Variants in FIGN observed in about 807,000 individuals in gnomAD.
FIGN encodes the protein fidgetin.
Under a neutral mutation model 51.3 loss-of-function variants are expected in FIGN, and 11 were observed. The ratio of observed to expected loss-of-function variants is 0.21; its 90% CI spans 0.13 to 0.35. The LOEUF (loss-of-function observed/expected upper bound fraction) is 0.35. FIGN is among the 10% of genes least tolerant of loss of function. The pLI, the probability that FIGN is intolerant of heterozygous loss-of-function variation, is 1.00. For synonymous variants in FIGN, 407 were observed against 363.2 expected (o/e 1.12, Z -1.37); for missense variants, 857 against 943.6 (o/e 0.91, Z 1.20).
At chr2:163,621,197 C>T (rs934760344) in intron 2 of FIGN, among the ~76,000 whole-genome samples, 2 of 152,110 alleles carry the variant, frequency 1.3e-5, no homozygotes, top group Non-Finnish European at 2.9e-5. Flanking sequence ...ACTGTTCAAC[C>T]ATTCTCCTTA....
chr2:163,729,889 C>A (rs935192268), intron 2 of FIGN, among the ~76,000 whole-genome samples: 6 of 152,172 alleles, frequency 3.9e-5, no homozygotes, highest in African/African-American at 1.4e-4. Context: ...AGCAAAGTGT[C>A]AATATTCAAA....
At chr2:163,651,719 A>G (rs536679032) in intron 2 of FIGN, among the ~76,000 whole-genome samples, 13 of 152,320 alleles carry the variant, frequency 8.5e-5, no homozygotes, top group African/African-American at 3.1e-4. Flanking sequence ...GAGCTACAAT[A>G]TTGGTAGGGC....
intron 2 of FIGN, among the ~76,000 whole-genome samples, chr2:163,630,506 A>T (rs1045772121): frequency 6.6e-6 from 1 of 152,120 alleles, no homozygotes; most frequent in Admixed American, 6.6e-5. Flanking sequence ...GGTGAAAGGC[A>T]ATGCGGAAAG....
chr2:163,605,914 A>G lies in FIGN; in HGVS notation c.*3638T>C, dbSNP rs142032380. 2.4e-4 allele frequency: 35 copies of G among 147,008 alleles called. No homozygotes were observed. The highest frequency in any genetic ancestry group is 8.7e-4 in the African/African-American group (35 of 40,058). The allele number at this position is 147,008 out of a possible 1,614,324, so 9.1% of individuals were successfully genotyped here. On this transcript the variant is annotated 3_prime_UTR_variant, in exon 3 of 3. Transcript: ENST00000333129. Reference sequence around the variant, plus strand: ...TAATTTGGATTTTTTTTTTTTTTGGATGTGTTCTTTTGAAAACTGCATAGC... The same window carrying G: ...TAATTTGGATTTTTTTTTTTTTTGGGTGTGTTCTTTTGAAAACTGCATAGC...
intron 2 of FIGN, among the ~76,000 whole-genome samples, chr2:163,724,246 T>C (rs181213272): frequency 1.3e-5 from 2 of 152,330 alleles, no homozygotes; most frequent in Admixed American, 6.5e-5. Context: ...CTTGCAAGAC[T>C]GACAGAAATG....
intron 2 of FIGN, among the ~76,000 whole-genome samples, chr2:163,687,808 A>G (rs1027994661): frequency 1.3e-5 from 2 of 152,198 alleles, no homozygotes; most frequent in Admixed American, 6.5e-5. Context: ...AGAAATAAAA[A>G]TGAACAGTAA....
intron 2 of FIGN, among the ~76,000 whole-genome samples, chr2:163,649,284 T>A (rs1471870969): frequency 6.6e-6 from 1 of 152,170 alleles, no homozygotes; most frequent in African/African-American, 2.4e-5. Context: ...TTTTAGTCCC[T>A]CCCACAGTGT....
At chr2:163,720,806 G>A (rs1037538684) in intron 2 of FIGN, among the ~76,000 whole-genome samples, 14 of 152,044 alleles carry the variant, frequency 9.2e-5, no homozygotes, top group African/African-American at 2.9e-4. Flanking sequence ...ACGTGTGCAC[G>A]CATGCATGTA....
chr2:163,698,384 C>T (rs772405303), intron 2 of FIGN, among the ~76,000 whole-genome samples: 2 of 152,010 alleles, frequency 1.3e-5, no homozygotes, highest in African/African-American at 4.8e-5. Context: ...TTGCTCCCTC[C>T]TCCTCCTTCC....
chr2:163,688,532 C>G (rs1183361290), intron 2 of FIGN, among the ~76,000 whole-genome samples: 4 of 152,178 alleles, frequency 2.6e-5, no homozygotes, highest in African/African-American at 4.8e-5. Flanking sequence ...TACAGTATAT[C>G]TATGTGAAAG....
chr2:163,683,840 A>T (rs1315962820), intron 2 of FIGN, among the ~76,000 whole-genome samples: 2 of 152,146 alleles, frequency 1.3e-5, no homozygotes, highest in Non-Finnish European at 2.9e-5. Flanking sequence ...GTTTTAATGA[A>T]CTATCTTCTG....
intron 2 of FIGN, among the ~76,000 whole-genome samples, chr2:163,639,490 A>T (rs141425290): frequency 0.012 from 1,791 of 152,248 alleles, 43 homozygotes; most frequent in African/African-American, 0.04. Context: ...CAGGGGAAAA[A>T]AATTCAATCA....
At chr2:163,732,369 T>C (rs949852357) in intron 2 of FIGN, among the ~76,000 whole-genome samples, 2 of 152,108 alleles carry the variant, frequency 1.3e-5, no homozygotes, top group East Asian at 3.9e-4. Flanking sequence ...TTGTCACAAA[T>C]ATAATGAAGA....
chr2:163,641,280 A>G (rs946755021), intron 2 of FIGN, among the ~76,000 whole-genome samples: 1 of 152,214 alleles, frequency 6.6e-6, no homozygotes, highest in Non-Finnish European at 1.5e-5. Context: ...TAAAGAAAAG[A>G]GAGTGTCCAG....
At chr2:163,618,394 T>A (rs1220917535) in intron 2 of FIGN, among the ~76,000 whole-genome samples, 1 of 151,606 alleles carries the variant, frequency 6.6e-6, no homozygotes, top group Admixed American at 6.6e-5. Context: ...CCCATTCCAT[T>A]GTATTTGCAT....
intron 2 of FIGN, among the ~76,000 whole-genome samples, chr2:163,652,477 C>T (rs1327372921): frequency 3.4e-5 from 3 of 89,162 alleles, no homozygotes; most frequent in African/African-American, 1.0e-4. Flanking sequence ...TTAATATATC[C>T]TACCAAAAAA....
At chr2:163,723,420 G>A (rs1684790116) in intron 2 of FIGN, among the ~76,000 whole-genome samples, 1 of 152,084 alleles carries the variant, frequency 6.6e-6, no homozygotes. Context: ...GCAATCTATA[G>A]TAGGAGAAAG....
intron 2 of FIGN, among the ~76,000 whole-genome samples, chr2:163,687,190 ACTT>A (rs1191471158): frequency 2.6e-5 from 4 of 152,158 alleles, no homozygotes; most frequent in Non-Finnish European, 5.9e-5. Context: ...GGGATCACTA[ACTT>A]CTTCTCCTGT....
rs1054399518 is a variant in FIGN at position 163,733,560 on chromosome 2, G to GA, written c.25+1342dup. 7.2e-5 allele frequency among the ~76,000 whole-genome samples: 11 copies of GA among 152,208 alleles called. No individual in the cohort carries two copies. The East Asian group carries it at 1.9e-3, about 27-fold the overall frequency. ...CCCATTCGCTCCAACAGCTCCGGGG[G>GA]AAAAAAAGCTGTGCTCTCTCCTCCT... On this transcript the variant is annotated intron_variant, in intron 2 of 2. Coordinates refer to ENST00000333129, the MANE Select transcript of FIGN (RefSeq NM_018086.4).
Sources: allele counts gnomAD v4.1 joint callset (sites outside exome capture counted in the v4.1 genomes callset), GRCh38; gene constraint gnomAD v4.1.1; transcripts MANE v1.5; gene names NCBI Gene and HGNC (gene_info 2026-07-23, HGNC 2026-07-21).